The following DRD2 variants were observed in gnomAD, a reference collection of about 807,000 sequenced individuals.
The protein encoded by DRD2 is dopamine receptor D2, also known as D(2) dopamine receptor.
DRD2 carries 8 observed loss-of-function variants against 38.0 expected under a neutral mutation model. The ratio of observed to expected loss-of-function variants is 0.21; its 90% CI spans 0.12 to 0.38. The LOEUF is 0.38. Ranked by LOEUF, DRD2 falls within the 10% of genes least tolerant of loss-of-function variation. The probability of loss-of-function intolerance (pLI) is 1.00; values close to 1 mark genes in which losing one functional copy is unlikely to be tolerated. For missense variants in DRD2, 403 were observed against 607.7 expected, an observed-to-expected ratio of 0.66 and a Z score of 3.54; for synonymous variants, 230 against 238.6, an observed-to-expected ratio of 0.96 and a Z score of 0.33.
chr11:113,434,576 AAAG>A (rs1234242381), intron 1 of DRD2, among the ~76,000 whole-genome samples: 2 of 152,320 alleles, frequency 1.3e-5, no homozygotes, highest in South Asian at 2.1e-4. Flanking sequence ...GGCATTGGAA[AAAG>A]AAGAAGAGGC....
At position 113,410,132 on chromosome 11, in the gene DRD2, G is replaced by A. The variant is rs1950752977; in HGVS notation, c.*595C>T. 5.5e-6 allele frequency: 1 copy of A among 180,604 alleles called. No individual in the cohort carries two copies. 11.2% of individuals were successfully genotyped at this position (180,604 alleles called of 1,614,324 possible). A position where few individuals can be genotyped will look rare whatever the true frequency, so the allele number is the denominator to read the frequency against. On this transcript the variant is annotated 3_prime_UTR_variant, in exon 8 of 8. Transcript: ENST00000362072. ...AACGGGGTGAGGTGGGTCCGGACTA[G>A]CCTGGAAAGTAGAGGTCCACATCGG...
At chr11:113,422,390 T>C (rs535395345) in intron 2 of DRD2, among the ~76,000 whole-genome samples, 37 of 152,340 alleles carry the variant, frequency 2.4e-4, no homozygotes, top group African/African-American at 8.7e-4. Context: ...ACTATTATTA[T>C]CTGCATTTTC....
intron 1 of DRD2, among the ~76,000 whole-genome samples, chr11:113,458,305 G>A (rs902637532): frequency 1.3e-5 from 2 of 151,780 alleles, no homozygotes; most frequent in Non-Finnish European, 2.9e-5. Flanking sequence ...TCCTCATTTC[G>A]TGCTTTGATT....
intron 1 of DRD2, among the ~76,000 whole-genome samples, chr11:113,437,354 C>T (rs759895882): frequency 2.6e-5 from 4 of 152,048 alleles, no homozygotes; most frequent in African/African-American, 7.3e-5. Context: ...GTCCTGTGTC[C>T]GAGGCACATC....
chr11:113,422,258 T>C (rs967189034), intron 2 of DRD2, among the ~76,000 whole-genome samples: 2 of 152,230 alleles, frequency 1.3e-5, no homozygotes, highest in African/African-American at 4.8e-5. Context: ...TATTGTCATC[T>C]TCATCTTTAT....
chr11:113,412,431 A>G (rs182440713), intron 7 of DRD2, 125 bp downstream of exon 7: 2 of 1,216,314 alleles, frequency 1.6e-6, no homozygotes, highest in African/African-American at 1.5e-5. Flanking sequence ...CTGTATGTCA[A>G]TGGGCTTGGC....
chr11:113,431,400 CT>C (rs1424735221), intron 1 of DRD2, among the ~76,000 whole-genome samples: 1 of 152,190 alleles, frequency 6.6e-6, no homozygotes, highest in Non-Finnish European at 1.5e-5. Context: ...GCCTCCTAGG[CT>C]TTTCTTTCTC....
chr11:113,472,390 A>G (rs1322678535), intron 1 of DRD2, among the ~76,000 whole-genome samples: 1 of 152,322 alleles, frequency 6.6e-6, no homozygotes, highest in East Asian at 1.9e-4. Context: ...ATGTGAGGCC[A>G]TATTTCTAAT....
chr11:113,430,953 G>A (rs1315471155), intron 1 of DRD2, among the ~76,000 whole-genome samples: 4 of 152,010 alleles, frequency 2.6e-5, no homozygotes, highest in East Asian at 1.9e-4. Flanking sequence ...AAATTTTTTT[G>A]AGACAAATAA....
At chr11:113,444,235 C>T (rs574582420) in intron 1 of DRD2, among the ~76,000 whole-genome samples, 4 of 152,268 alleles carry the variant, frequency 2.6e-5, no homozygotes, top group South Asian at 4.1e-4. Context: ...CAGGGTTTCA[C>T]CATGTTGACC....
At position 113,410,382 on chromosome 11, in the gene DRD2, G is replaced by T. The variant is rs200963966; in HGVS notation, c.*345C>A. On this transcript the variant is annotated 3_prime_UTR_variant, in exon 8 of 8. Transcript: ENST00000362072. The stretch of plus-strand genomic sequence containing the variant: ...ACTCAGCCTCTGGGCCCTGACTCAG[G>T]CTCCAGCAACCCTAGAGCCCCAGAG... 2 of 464,274 alleles carry T rather than the reference G, an allele frequency of 4.3e-6. No individual in the cohort carries two copies. Among genetic ancestry groups the T allele is most frequent in the Admixed American group, 6.8e-5 (2 of 29,628 alleles). The allele number at this position is 464,274 out of a possible 1,614,324, so 28.8% of individuals were successfully genotyped here. A position where few individuals can be genotyped will look rare whatever the true frequency, so the allele number is the denominator to read the frequency against.
At chr11:113,415,314 C>T in intron 5 of DRD2, 107 bp downstream of exon 5, 2 of 1,429,322 alleles carry the variant, frequency 1.4e-6, no homozygotes, top group East Asian at 2.3e-5. Context: ...TTAGCCTAGA[C>T]CTAACCCTTG....
intron 7 of DRD2, 84 bp downstream of exon 7, chr11:113,412,472 C>A: frequency 6.5e-7 from 1 of 1,534,558 alleles, no homozygotes; most frequent in Non-Finnish European, 8.9e-7. Context: ...GCCCCATGAT[C>A]CTGCAGCCAT....
intron 5 of DRD2, 164 bp downstream of exon 5, chr11:113,415,257 G>C: frequency 1.3e-6 from 1 of 753,244 alleles, no homozygotes. Context: ...GCTCCACTGA[G>C]GTCCATGCCT....
intron 1 of DRD2, among the ~76,000 whole-genome samples, chr11:113,448,512 C>T (rs534108050): frequency 6.6e-6 from 1 of 152,328 alleles, no homozygotes; most frequent in South Asian, 2.1e-4. Context: ...AAGGAGGTGG[C>T]ATCTCAGTAA....
At chr11:113,445,150 C>T (rs897050517) in intron 1 of DRD2, among the ~76,000 whole-genome samples, 1 of 152,238 alleles carries the variant, frequency 6.6e-6, no homozygotes. Context: ...CAAGGAAAGA[C>T]TGAGGAGCTG....
Position 113,412,765 on chromosome 11 carries a change from G to A in DRD2, c.929C>T (p.Pro310Leu), listed in dbSNP as rs373984882. 26 of 1,613,680 alleles carry A rather than the reference G, an allele frequency of 1.6e-5. No homozygotes were observed. The African/African-American group carries it at 2.0e-4, about 12-fold the overall frequency. Residue 310 changes from proline (P) to leucine (L), a missense_variant, in exon 7 of 8, where the codon CCG (proline) becomes CTG (leucine). By Grantham distance (98) the Pro-to-Leu change is moderately conservative. Transcript: ENST00000362072. ...PSHHQLTLPD[P>L]SHHGLHSTPD... ...AGTGCTGTGGAGACCATGGTGGGAC[G>A]GGTCGGGGAGAGTCAGCTGGTGGTG...
chr11:113,415,689 C>T (rs891972028), intron 4 of DRD2, 78 bp from the exon 5 acceptor site: 11 of 1,496,272 alleles, frequency 7.4e-6, no homozygotes, highest in African/African-American at 2.8e-5. Flanking sequence ...CATTCATGTC[C>T]TTCCAGGAAC....
intron 1 of DRD2, among the ~76,000 whole-genome samples, chr11:113,443,001 G>A (rs1057182258): frequency 2.6e-5 from 4 of 152,096 alleles, no homozygotes; most frequent in African/African-American, 7.2e-5. Context: ...TTGCGTGATG[G>A]GGGAGAGGAG....
Sources: allele counts gnomAD v4.1 joint callset (sites outside exome capture counted in the v4.1 genomes callset), GRCh38; gene constraint gnomAD v4.1.1; transcripts MANE v1.5; gene names NCBI Gene and HGNC (gene_info 2026-07-23, HGNC 2026-07-21).